Variants in MID1 observed in about 807,000 individuals in gnomAD.
The protein encoded by MID1 is midline 1.
Under a neutral mutation model 40.4 loss-of-function variants are expected in MID1, and 7 were observed. The observed-to-expected ratio is 0.17, with a 90% CI of 0.10 to 0.33. The LOEUF (loss-of-function observed/expected upper bound fraction) is 0.33, where lower values mean the gene tolerates loss of function less well. MID1 is among the 10% of genes least tolerant of loss of function. The pLI is 1.00. For synonymous variants in MID1, 229 were observed against 221.2 expected, an observed-to-expected ratio of 1.04 and a Z score of -0.31; for missense variants, 367 against 558.5, an observed-to-expected ratio of 0.66 and a Z score of 3.46.
chrX:10,792,647 T>C (rs2043940766), intron 1 of MID1, among the ~76,000 whole-genome samples: 1 of 111,890 alleles, frequency 8.9e-6, no homozygotes, highest in African/African-American at 3.2e-5. Flanking sequence ...AAAAGCCACA[T>C]ATTGTATGAT....
At chrX:10,785,574 A>T (rs2043876526) in intron 1 of MID1, among the ~76,000 whole-genome samples, 2 of 111,642 alleles carry the variant, frequency 1.8e-5, no homozygotes, top group African/African-American at 3.3e-5. Flanking sequence ...CTATACTACA[A>T]GGCTACAGCA....
At chrX:10,490,082 C>T (rs1930856329) in intron 4 of MID1, among the ~76,000 whole-genome samples, 1 of 111,638 alleles carries the variant, frequency 9.0e-6, no homozygotes, top group Admixed American at 9.5e-5. Context: ...TGCAAAATAA[C>T]CTGCTGGAAT....
chrX:10,566,876 G>C lies in MID1; in HGVS notation c.660+12C>G, dbSNP rs1934571613. 3 of 1,208,076 alleles carry C rather than the reference G, an allele frequency of 2.5e-6. No individual in the cohort carries two copies. Among genetic ancestry groups the C allele is most frequent in the Non-Finnish European group, 3.4e-6 (3 of 894,099 alleles). ...GGCAGAAAGGGGTTGGCTTAAGGCGGATCGGACTAACCTTCAATTTGTCAT... is the reference window on the plus strand; with the variant it reads ...GGCAGAAAGGGGTTGGCTTAAGGCGCATCGGACTAACCTTCAATTTGTCAT... On this transcript the variant is annotated intron_variant, in intron 2 of 9. Coordinates refer to ENST00000317552, the MANE Select transcript of MID1 (RefSeq NM_000381.4).
chrX:10,490,687 A>G (rs1359029980), intron 4 of MID1, among the ~76,000 whole-genome samples: 1 of 112,226 alleles, frequency 8.9e-6, no homozygotes, highest in Non-Finnish European at 1.9e-5. Flanking sequence ...TTTGGTATCA[A>G]GATCATACAC....
At position 10,685,458 on chromosome X, in the gene MID1, C is replaced by G. The variant is rs753765988; in HGVS notation, c.-186-65039G>C. The stretch of plus-strand genomic sequence containing the variant: ...AATATCACTCTAACTTTCCCTCCAC[C>G]TTATCTGTGTAAAAACTGGCCATAA... On this transcript the variant is annotated intron_variant, in intron 1 of 10. Transcript: ENST00000380785. Among the ~76,000 whole-genome samples the G allele has an allele frequency of 2.9e-4, 32 of 112,177 alleles. No individual in the cohort carries two copies. The East Asian group carries it at 7.9e-3, about 28-fold the overall frequency.
intron 2 of MID1, among the ~76,000 whole-genome samples, chrX:10,556,253 G>A (rs1404674206): frequency 1.6e-4 from 18 of 111,540 alleles, no homozygotes; most frequent in East Asian, 2.8e-4. Flanking sequence ...GGAAACAGCT[G>A]TAGGTGCTCT....
intron 2 of MID1, among the ~76,000 whole-genome samples, chrX:10,563,796 C>T (rs997082424): frequency 8.9e-6 from 1 of 111,761 alleles, no homozygotes; most frequent in Non-Finnish European, 1.9e-5. Context: ...TTTATTTGTA[C>T]GAGTTCAACA....
At chrX:10,691,944 G>C (rs1251273102) in intron 1 of MID1, among the ~76,000 whole-genome samples, 2 of 111,485 alleles carry the variant, frequency 1.8e-5, no homozygotes, top group Non-Finnish European at 3.8e-5. Flanking sequence ...ATGCTGTTGA[G>C]ATAAGGACTG....
At chrX:10,469,517 C>T in intron 7 of MID1, 180 bp downstream of exon 7, 1 of 1,167,408 alleles carries the variant, frequency 8.6e-7, no homozygotes, top group Non-Finnish European at 1.1e-6. Context: ...AATATTTAGC[C>T]AGCTGTTTTT....
intron 1 of MID1, among the ~76,000 whole-genome samples, chrX:10,788,829 G>T (rs756110652): frequency 8.9e-6 from 1 of 112,148 alleles, no homozygotes; most frequent in South Asian, 3.7e-4. Flanking sequence ...ATCCTTTCCA[G>T]ATTTTAAATA....
At chrX:10,537,803 A>G (rs190764769) in intron 2 of MID1, among the ~76,000 whole-genome samples, 1 of 111,836 alleles carries the variant, frequency 8.9e-6, no homozygotes, top group East Asian at 2.8e-4. Flanking sequence ...CTGTCCTGAC[A>G]CGATTCAGAT....
intron 1 of MID1, among the ~76,000 whole-genome samples, chrX:10,606,264 A>G (rs1474800967): frequency 1.8e-5 from 2 of 111,091 alleles, no homozygotes; most frequent in African/African-American, 6.5e-5. Flanking sequence ...AACTATTTTC[A>G]CCTTATTTTA....
intron 1 of MID1, among the ~76,000 whole-genome samples, chrX:10,591,317 G>A (rs757298031): frequency 2.7e-5 from 3 of 112,113 alleles, no homozygotes; most frequent in East Asian, 2.8e-4. Flanking sequence ...TCTCTTTTAC[G>A]TAGCTCCTTT....
intron 1 of MID1, among the ~76,000 whole-genome samples, chrX:10,758,483 CTTTT>C (rs1157401550): frequency 1.6e-5 from 1 of 63,873 alleles, no homozygotes; most frequent in Non-Finnish European, 2.6e-5. Context: ...CTTTTCTTTC[CTTTT>C]TTTTTTTTTT....
intron 1 of MID1, among the ~76,000 whole-genome samples, chrX:10,721,619 A>G (rs148479366): frequency 0.022 from 2,450 of 110,731 alleles, 70 homozygotes; most frequent in African/African-American, 0.077. Context: ...CACCTACAGT[A>G]CAATCTGGAA....
At chrX:10,791,666 C>T (rs1240921313) in intron 1 of MID1, among the ~76,000 whole-genome samples, 1 of 111,125 alleles carries the variant, frequency 9.0e-6, no homozygotes, top group Non-Finnish European at 1.9e-5. Context: ...GGACAATCAC[C>T]GAAGCCTGTA....
chrX:10,741,434 G>T (rs918209641), intron 1 of MID1, among the ~76,000 whole-genome samples: 3 of 108,682 alleles, frequency 2.8e-5, no homozygotes, highest in African/African-American at 1.0e-4. Flanking sequence ...AACAACACAG[G>T]ACGAGGGCAT....
At chrX:10,776,219 G>A (rs2043801869) in intron 1 of MID1, among the ~76,000 whole-genome samples, 1 of 111,172 alleles carries the variant, frequency 9.0e-6, no homozygotes, top group South Asian at 3.8e-4. Context: ...CCAAGGTAGG[G>A]GCAGGCAAGT....
chrX:10,501,772 G>A lies in MID1; in HGVS notation c.757-6081C>T, dbSNP rs182436272. On this transcript the variant is annotated intron_variant, in intron 3 of 9. Transcript: ENST00000317552. ...TCCCTTTCTAGAAATGCAGTTACGC[G>A]TAATCATTCCCCAGATTAGTTAATG... 8.1e-5 allele frequency among the ~76,000 whole-genome samples: 9 copies of A among 111,399 alleles called. No individual in the cohort carries two copies. In the East Asian group the frequency reaches 8.5e-4, roughly 11 times the overall value.
Sources: gnomAD v4.1 joint callset for allele counts (sites outside exome capture counted in the v4.1 genomes callset) on GRCh38, gnomAD v4.1.1 for gene constraint, MANE v1.5 for transcripts, NCBI Gene and HGNC (gene_info 2026-07-23, HGNC 2026-07-21) for gene names.